Variants in MEIKIN observed in about 807,000 individuals in gnomAD.
MEIKIN encodes the protein meiotic kinetochore factor.
rs143037329 is a variant in MEIKIN, at chr5:131,848,771, A to G, written c.975+2493T>C. On this transcript the variant is annotated intron_variant, in intron 11 of 12. Coordinates refer to ENST00000442687, the MANE Select transcript of MEIKIN (RefSeq NM_001303622.2). Reference sequence around the variant, plus strand: ...CTAGAACATTGAAGAAAAATCCTCAACAAATTACTAGCAAACCAAATTCAG... The same window carrying G: ...CTAGAACATTGAAGAAAAATCCTCAGCAAATTACTAGCAAACCAAATTCAG... Among the ~76,000 whole-genome samples, 932 of 152,298 alleles carry G rather than the reference A, an allele frequency of 6.1e-3. 9 individuals are homozygous for G. In the Middle Eastern group the frequency reaches 0.071, roughly 12 times the overall value.
chr5:131,916,434 G>A (rs1580905676), intron 7 of MEIKIN, among the ~76,000 whole-genome samples: 1 of 152,152 alleles, frequency 6.6e-6, no homozygotes, highest in Non-Finnish European at 1.5e-5. Flanking sequence ...CTTTTACCTT[G>A]CTCTCCAGGC....
chr5:131,860,395 T>C (rs1387180176), intron 9 of MEIKIN, among the ~76,000 whole-genome samples: 1 of 151,750 alleles, frequency 6.6e-6, no homozygotes, highest in Non-Finnish European at 1.5e-5. Context: ...TTTTTGCTTG[T>C]TTGCATCCTG....
intron 5 of MEIKIN, among the ~76,000 whole-genome samples, chr5:131,926,978 T>C (rs1354813933): frequency 6.6e-6 from 1 of 152,210 alleles, no homozygotes; most frequent in Non-Finnish European, 1.5e-5. Flanking sequence ...TTCTTTCTAT[T>C]TTTTTCAATT....
intron 8 of MEIKIN, among the ~76,000 whole-genome samples, chr5:131,897,290 A>G (rs190780582): frequency 8.5e-5 from 13 of 152,298 alleles, no homozygotes; most frequent in Non-Finnish European, 1.8e-4. Context: ...GGGTAACCCA[A>G]CCTTTCTCTC....
In MEIKIN at chr5:131,877,171, A is replaced by T. The variant is rs138950734; in HGVS notation, c.774+1807T>A. 3.7e-3 allele frequency among the ~76,000 whole-genome samples: 569 copies of T among 152,310 alleles called. 4 individuals carry two copies. Among genetic ancestry groups the T allele is most frequent in the African/African-American group, 0.013 (539 of 41,570 alleles). Reference sequence around the variant, plus strand: ...TAATAATAAAATTTTTAAAAAAAGCAAAATTATGTAATAAAAAGTTGAATT... The same window carrying T: ...TAATAATAAAATTTTTAAAAAAAGCTAAATTATGTAATAAAAAGTTGAATT... On this transcript the variant is annotated intron_variant, in intron 9 of 12. Coordinates refer to ENST00000442687, the MANE Select transcript of MEIKIN (RefSeq NM_001303622.2).
chr5:131,934,558 T>C (rs965329475), intron 4 of MEIKIN, among the ~76,000 whole-genome samples: 3 of 152,284 alleles, frequency 2.0e-5, no homozygotes, highest in South Asian at 4.1e-4. Context: ...CCTTCCATCA[T>C]GTAAAGAAAT....
At chr5:131,866,646 G>A (rs956971995) in intron 9 of MEIKIN, among the ~76,000 whole-genome samples, 5 of 152,190 alleles carry the variant, frequency 3.3e-5, no homozygotes, top group African/African-American at 4.8e-5. Context: ...CCTCTGTGGG[G>A]GTGAGGGAAT....
intron 8 of MEIKIN, among the ~76,000 whole-genome samples, chr5:131,909,298 C>G (rs1751296454): frequency 1.3e-5 from 2 of 151,994 alleles, no homozygotes; most frequent in Admixed American, 1.3e-4. Flanking sequence ...TACAAAGGTG[C>G]CAAGGACATT....
At chr5:131,809,819 C>CAAA (rs5871436) in intron 12 of MEIKIN, among the ~76,000 whole-genome samples, 3 of 130,628 alleles carry the variant, frequency 2.3e-5, no homozygotes, top group African/African-American at 6.7e-5. Context: ...AACAAACGAA[C>CAAA]AAAAAAAAAA....
At chr5:131,856,611 G>A (rs184247245) in intron 9 of MEIKIN, among the ~76,000 whole-genome samples, 8 of 152,242 alleles carry the variant, frequency 5.3e-5, no homozygotes, top group Non-Finnish European at 1.0e-4. Context: ...CTTCTTCCCT[G>A]CCTTCCTTTC....
intron 8 of MEIKIN, among the ~76,000 whole-genome samples, chr5:131,907,637 G>A (rs1427655972): frequency 6.6e-6 from 1 of 151,448 alleles, no homozygotes; most frequent in African/African-American, 2.4e-5. Context: ...ACTTTGGGAG[G>A]CCAAGGTGGG....
At chr5:131,823,298 C>A (rs184637347) in intron 11 of MEIKIN, among the ~76,000 whole-genome samples, 45 of 152,154 alleles carry the variant, frequency 3.0e-4, no homozygotes, top group Admixed American at 1.6e-3. Context: ...CTTTCTCTAC[C>A]TCCTCTTTAA....
chr5:131,827,659 A>C (rs2149605489), intron 11 of MEIKIN, among the ~76,000 whole-genome samples: 1 of 152,344 alleles, frequency 6.6e-6, no homozygotes, highest in East Asian at 1.9e-4. Context: ...GGTTCAGTAC[A>C]CCAGAAAAGC....
At chr5:131,864,443 G>A (rs1479329950) in intron 9 of MEIKIN, among the ~76,000 whole-genome samples, 1 of 152,178 alleles carries the variant, frequency 6.6e-6, no homozygotes, top group South Asian at 2.1e-4. Context: ...GCATTTGATT[G>A]TCTGGGAAAT....
At chr5:131,816,418 T>C (rs56874048) in intron 12 of MEIKIN, among the ~76,000 whole-genome samples, 15,710 of 152,230 alleles carry the variant, frequency 0.1, 1,908 homozygotes, top group African/African-American at 0.3. Flanking sequence ...ATTCAATCAG[T>C]TGAAAGGCCT....
chr5:131,843,642 C>T (rs1454899267), intron 11 of MEIKIN, among the ~76,000 whole-genome samples: 5 of 152,218 alleles, frequency 3.3e-5, no homozygotes, highest in Non-Finnish European at 5.9e-5. Flanking sequence ...TTTACTCCAG[C>T]TCCCAATAAG....
intron 5 of MEIKIN, among the ~76,000 whole-genome samples, chr5:131,922,225 A>G (rs538705624): frequency 6.6e-6 from 1 of 152,346 alleles, no homozygotes; most frequent in African/African-American, 2.4e-5. Context: ...GTTATATTTT[A>G]TATATGTTAT....
chr5:131,818,710 A>G (rs1481324740), intron 12 of MEIKIN, 30 bp downstream of exon 12: 2 of 396,548 alleles, frequency 5.0e-6, no homozygotes, highest in African/African-American at 4.1e-5. Flanking sequence ...TATCATCCAA[A>G]AAGTATGCTC....
intron 11 of MEIKIN, among the ~76,000 whole-genome samples, chr5:131,837,702 G>C (rs1749833933): frequency 6.6e-6 from 1 of 152,096 alleles, no homozygotes; most frequent in Non-Finnish European, 1.5e-5. Flanking sequence ...TTTGTACATT[G>C]ATTTTGTATC....
Sources: gnomAD v4.1 joint callset for allele counts (sites outside exome capture counted in the v4.1 genomes callset) on GRCh38, gnomAD v4.1.1 for gene constraint, MANE v1.5 for transcripts, NCBI Gene and HGNC (gene_info 2026-07-23, HGNC 2026-07-21) for gene names.